The following CUX2 variants were observed in gnomAD, a reference collection of about 807,000 sequenced individuals.
CUX2 encodes the protein homeobox protein cut-like 2.
Under a neutral mutation model 144.8 loss-of-function variants are expected in CUX2, and 40 were observed. The ratio of observed to expected loss-of-function variants is 0.28; its 90% CI spans 0.21 to 0.36. CUX2 has a LOEUF of 0.36. Ranked by LOEUF, CUX2 falls within the 10% of genes least tolerant of loss-of-function variation. CUX2 has a pLI of 1.00. For synonymous variants in CUX2, 827 were observed against 875.6 expected, an observed-to-expected ratio of 0.94 and a Z score of 0.98; for missense variants, 1,615 against 1,994.0, an observed-to-expected ratio of 0.81 and a Z score of 3.62.
intron 1 of CUX2, among the ~76,000 whole-genome samples, chr12:111,188,971 C>G (rs1225857876): frequency 6.6e-6 from 1 of 152,094 alleles, no homozygotes; most frequent in Non-Finnish European, 1.5e-5. Context: ...CCTCCCTTTA[C>G]CCCCAGAATA....
In CUX2 at chr12:111,293,582, A is replaced by C; in HGVS notation, c.560+13A>C. 2 of 1,558,842 alleles carry C rather than the reference A, an allele frequency of 1.3e-6. No individual in the cohort carries two copies. The highest frequency in any genetic ancestry group is 1.7e-6 in the Non-Finnish European group (2 of 1,150,816). On this transcript the variant is annotated intron_variant, in intron 6 of 21. Transcript: ENST00000261726. The surrounding 1 kb of genome is among the most constrained non-coding windows in gnomAD (Gnocchi z 4.5). ...CGGAAAAACAAAAGTGAGGAAGGGA[A>C]GGTGGGTGGGAGGGAGGAAGGAATG... is the stretch of plus-strand genomic sequence containing the variant.
At chr12:111,336,248 C>A (rs1324013678) in intron 19 of CUX2, among the ~76,000 whole-genome samples, 1 of 152,112 alleles carries the variant, frequency 6.6e-6, no homozygotes, top group Non-Finnish European at 1.5e-5. Context: ...GTCTTAAATG[C>A]GGGTGATGCC....
rs4766459 is a variant in CUX2 at position 111,298,470 on chromosome 12, G to C, written c.705-71G>C. The C allele has an allele frequency of 2.8e-3, 4,237 of 1,493,322 alleles. 216 individuals carry two copies. The Admixed American group carries it at 0.078, about 27-fold the overall frequency. 92.5% of individuals were successfully genotyped at this position (1,493,322 alleles called of 1,614,324 possible). A position where few individuals can be genotyped will look rare whatever the true frequency, so the allele number is the denominator to read the frequency against. On this transcript the variant is annotated intron_variant, in intron 8 of 21. Transcript: ENST00000261726. The stretch of plus-strand genomic sequence containing the variant: ...TCCCCTGGGCTCAGGCAGGGGCTGG[G>C]GGTGTCAGGAGGGGCGGGGGCCTGG...
At chr12:111,326,154 T>G (rs867483345) in intron 18 of CUX2, among the ~76,000 whole-genome samples, 6 of 34,546 alleles carry the variant, frequency 1.7e-4, no homozygotes, top group African/African-American at 4.9e-4. Context: ...GAGGGGTTGG[T>G]TTTGTTTATA....
intron 1 of CUX2, among the ~76,000 whole-genome samples, chr12:111,134,993 C>T (rs1015687235): frequency 2.0e-5 from 3 of 152,106 alleles, no homozygotes; most frequent in Non-Finnish European, 2.9e-5. Context: ...CCATTCAGGG[C>T]TTTGAGCAGA....
At chr12:111,294,671 C>T (rs183749830) in intron 6 of CUX2, among the ~76,000 whole-genome samples, 3,311 of 151,464 alleles carry the variant, frequency 0.022, 45 homozygotes, top group Admixed American at 0.03. Flanking sequence ...CTGAGGCAGG[C>T]GGATCACTTG....
chr12:111,194,231 G>C (rs908693202), intron 1 of CUX2, among the ~76,000 whole-genome samples: 69 of 152,250 alleles, frequency 4.5e-4, no homozygotes, highest in African/African-American at 1.5e-3. Flanking sequence ...CAGCGAAACA[G>C]GAATAATAAC....
chr12:111,196,369 G>T lies in CUX2; in HGVS notation c.64-17831G>T, dbSNP rs74237608. On this transcript the variant is annotated intron_variant, in intron 1 of 21. Transcript: ENST00000261726. ...TTCGATTCTCTTGGGTAGAGGAGTG[G>T]AATTGCTGGGTCATAAGATACATTT... 1.6e-4 allele frequency among the ~76,000 whole-genome samples: 25 copies of T among 152,330 alleles called. No individual in the cohort carries two copies. In the East Asian group the frequency reaches 4.6e-3, roughly 28 times the overall value.
intron 1 of CUX2, among the ~76,000 whole-genome samples, chr12:111,167,491 A>C (rs75816390): frequency 6.6e-6 from 1 of 152,320 alleles, no homozygotes; most frequent in African/African-American, 2.4e-5. Context: ...CTTGAAAGGC[A>C]AGGAGGGGTG....
At chr12:111,267,213 A>G (rs982475568) in intron 4 of CUX2, among the ~76,000 whole-genome samples, 9 of 151,192 alleles carry the variant, frequency 6.0e-5, no homozygotes, top group East Asian at 1.9e-4. Context: ...AAAAAAAAAA[A>G]AAAAGAAAGA....
At chr12:111,108,531 A>G (rs1057445076) in intron 1 of CUX2, among the ~76,000 whole-genome samples, 1 of 151,828 alleles carries the variant, frequency 6.6e-6, no homozygotes, top group African/African-American at 2.4e-5. Context: ...CTTCTTCCCC[A>G]TTTATTTATC....
At chr12:111,121,101 CAAA>C (rs768230942) in intron 1 of CUX2, among the ~76,000 whole-genome samples, 41 of 81,620 alleles carry the variant, frequency 5.0e-4, no homozygotes, top group African/African-American at 1.3e-3. Context: ...GTTGTTACCA[CAAA>C]AAAAAAAAAA....
chr12:111,159,305 TG>T (rs1257078290), intron 1 of CUX2, among the ~76,000 whole-genome samples: 7 of 146,156 alleles, frequency 4.8e-5, no homozygotes, highest in Admixed American at 6.7e-5. Flanking sequence ...TGCGCCACCA[TG>T]CCCAGCTGTT....
rs892615312 is a variant in CUX2 at position 111,197,356 on chromosome 12, C to G, written c.64-16844C>G. Among the ~76,000 whole-genome samples the G allele has an allele frequency of 2.6e-5, 4 of 152,160 alleles. No homozygotes were observed. In the East Asian group the frequency reaches 5.8e-4, roughly 22 times the overall value. On this transcript the variant is annotated intron_variant, in intron 1 of 21. Transcript: ENST00000261726. ...AGGACTGGATCAATGCCATGTCAGCCCAGAATCCCATCCTCATCCGTGAAA... is the reference window on the plus strand; with the variant it reads ...AGGACTGGATCAATGCCATGTCAGCGCAGAATCCCATCCTCATCCGTGAAA...
chr12:111,221,810 G>C (rs1315238952), intron 3 of CUX2, among the ~76,000 whole-genome samples: 6 of 152,030 alleles, frequency 3.9e-5, no homozygotes, highest in Non-Finnish European at 8.8e-5. Flanking sequence ...GTTTGTGTGT[G>C]TGCGTGCCGG....
At chr12:111,291,767 T>A (rs1885707853) in intron 5 of CUX2, among the ~76,000 whole-genome samples, 1 of 152,078 alleles carries the variant, frequency 6.6e-6, no homozygotes, top group Non-Finnish European at 1.5e-5. Context: ...GTGGTGATGA[T>A]CTTCTAGAAG....
intron 9 of CUX2, among the ~76,000 whole-genome samples, chr12:111,303,786 C>T (rs1028870931): frequency 6.6e-6 from 1 of 152,132 alleles, no homozygotes; most frequent in Non-Finnish European, 1.5e-5. Flanking sequence ...AGAGTTGGAA[C>T]AGCTCTTGCC....
intron 3 of CUX2, among the ~76,000 whole-genome samples, chr12:111,262,308 G>T (rs1884167662): frequency 6.6e-6 from 1 of 152,104 alleles, no homozygotes; most frequent in Non-Finnish European, 1.5e-5. Context: ...TGTCATCCAT[G>T]CTGGAAGGTG....
At chr12:111,157,344 A>G (rs1410782877) in intron 1 of CUX2, among the ~76,000 whole-genome samples, 1 of 151,552 alleles carries the variant, frequency 6.6e-6, no homozygotes, top group Non-Finnish European at 1.5e-5. Context: ...GGTAATAGAT[A>G]CTAAAAGACC....
Sources: allele counts gnomAD v4.1 joint callset (sites outside exome capture counted in the v4.1 genomes callset), GRCh38; gene constraint gnomAD v4.1.1; non-coding constraint Gnocchi (gnomAD v3.1); transcripts MANE v1.5; gene names NCBI Gene and HGNC (gene_info 2026-07-23, HGNC 2026-07-21).